IGSF5: variants seen among roughly 807,000 people sequenced by gnomAD.
IGSF5 encodes the protein immunoglobulin superfamily 5 like.
In IGSF5, 41 loss-of-function variants were observed where a neutral mutation model predicts 39.4. The ratio of observed to expected loss-of-function variants is 1.04; its 90% CI spans 0.81 to 1.35. IGSF5 has a LOEUF of 1.35. Ranked by LOEUF, IGSF5 falls within the 40% of genes most tolerant of loss-of-function variation. The probability of loss-of-function intolerance (pLI) is 0.00; values close to 1 mark genes in which losing one functional copy is unlikely to be tolerated. For missense variants in IGSF5, 487 were observed against 494.6 expected, an observed-to-expected ratio of 0.98 and a Z score of 0.15; for synonymous variants, 183 against 175.3, an observed-to-expected ratio of 1.04 and a Z score of -0.34.
At chr21:39,717,030 G>A in the IGSF5 span, among the ~76,000 whole-genome samples, 4 of 152,032 alleles carry the variant, frequency 2.6e-5, no homozygotes, top group Admixed American at 1.3e-4. Context: ...TGACTTTTTA[G>A]TAATAGCCAT....
intron 3 of IGSF5, among the ~76,000 whole-genome samples, chr21:39,770,049 G>T (rs914443175): frequency 1.8e-4 from 4 of 22,598 alleles, no homozygotes; most frequent in African/African-American, 7.7e-4. Flanking sequence ...AACCAAGATT[G>T]GGAACAAATT....
In IGSF5 at chr21:39,765,628, G is replaced by T. The variant is rs776984625; in HGVS notation, c.194G>T (p.Gly65Val). ...QARFNCTVSQ[G>V]WKLIMWALSD... ...CGCTTCAACTGCACCGTCTCCCAGG[G>T]CTGGAAGCTCATCATGTGGGCTCTC... is the stretch of plus-strand genomic sequence containing the variant. The change falls in exon 3 of 9, where the codon GGC becomes GTC. Residue 65 changes from glycine (G) to valine (V), a missense_variant. Physicochemically the swap from Gly to Val is moderately radical, Grantham distance 109. Transcript: ENST00000380588. The T allele has an allele frequency of 3.7e-6, 6 of 1,614,146 alleles. No homozygotes were observed. The highest frequency in any genetic ancestry group is 5.1e-6 in the Non-Finnish European group (6 of 1,180,022).
At chr21:39,799,323 C>T (rs1380570965) in intron 8 of IGSF5, among the ~76,000 whole-genome samples, 1 of 152,144 alleles carries the variant, frequency 6.6e-6, no homozygotes, top group African/African-American at 2.4e-5. Context: ...AATACCGCTG[C>T]CTTGGTACCC....
At chr21:39,745,059 T>C (rs1182666377), upstream of IGSF5, among the ~76,000 whole-genome samples, 2 of 117,136 alleles carry the variant, frequency 1.7e-5, no homozygotes, top group African/African-American at 6.5e-5. Context: ...GGGCACACTT[T>C]TTTTTTTTTA....
intron 2 of IGSF5, among the ~76,000 whole-genome samples, chr21:39,761,151 G>A (rs1423873243): frequency 6.6e-6 from 1 of 152,122 alleles, no homozygotes; most frequent in African/African-American, 2.4e-5. Flanking sequence ...AGTAAACAAT[G>A]GGGAAAGAAC....
At chr21:39,781,317 T>C (rs908669167) in intron 5 of IGSF5, among the ~76,000 whole-genome samples, 1 of 152,258 alleles carries the variant, frequency 6.6e-6, no homozygotes, top group African/African-American at 2.4e-5. Flanking sequence ...TTCCTTCCTT[T>C]CTTATTACAG....
At chr21:39,791,340 A>C (rs1434613614) in intron 6 of IGSF5, among the ~76,000 whole-genome samples, 2 of 152,192 alleles carry the variant, frequency 1.3e-5, no homozygotes, top group African/African-American at 4.8e-5. Context: ...CATTCTTTCA[A>C]GTACATATTT....
intron 2 of IGSF5, among the ~76,000 whole-genome samples, chr21:39,756,357 T>G (rs1267940997): frequency 6.6e-6 from 1 of 152,106 alleles, no homozygotes; most frequent in Non-Finnish European, 1.5e-5. Context: ...CAGATCAAGG[T>G]GTGGTAGTTG....
chr21:39,726,504 A>T, the IGSF5 span, among the ~76,000 whole-genome samples: 3 of 151,816 alleles, frequency 2.0e-5, no homozygotes, highest in African/African-American at 7.3e-5. Context: ...CTCAGTCACC[A>T]GTGCTCAGGC....
upstream of IGSF5, among the ~76,000 whole-genome samples, chr21:39,745,153 C>T (rs1272080973): frequency 7.2e-6 from 1 of 139,514 alleles, no homozygotes; most frequent in Non-Finnish European, 1.6e-5. Flanking sequence ...CTCTCTCTCT[C>T]TTCATCTCTC....
intron 2 of IGSF5, among the ~76,000 whole-genome samples, chr21:39,750,816 G>A (rs10427527): frequency 1.3e-5 from 2 of 152,194 alleles, no homozygotes; most frequent in Non-Finnish European, 2.9e-5. Flanking sequence ...TCCACCAGCC[G>A]CTGGGCCTTT....
At position 39,765,086 on chromosome 21, in the gene IGSF5, G is replaced by A. The variant is rs191526693; in HGVS notation, c.101-449G>A. On this transcript the variant is annotated intron_variant, in intron 2 of 8. Coordinates refer to ENST00000380588, the MANE Select transcript of IGSF5 (RefSeq NM_001080444.2). Reference sequence around the variant, plus strand: ...ATGCATCACTCCAGTCTCTGCATCCGTCCTCACATGATGTTCTTCTCTGCA... The same window carrying A: ...ATGCATCACTCCAGTCTCTGCATCCATCCTCACATGATGTTCTTCTCTGCA... 1.3e-4 allele frequency among the ~76,000 whole-genome samples: 20 copies of A among 152,234 alleles called. No individual in the cohort carries two copies. The South Asian group carries it at 2.1e-3, about 16-fold the overall frequency.
the IGSF5 span, among the ~76,000 whole-genome samples, chr21:39,737,248 A>G: frequency 6.6e-6 from 1 of 151,498 alleles, no homozygotes; most frequent in Non-Finnish European, 1.5e-5. Flanking sequence ...CACCGTAACA[A>G]CTAGCACAGA....
chr21:39,798,740 C>T (rs1044705052), intron 8 of IGSF5, among the ~76,000 whole-genome samples: 1 of 152,194 alleles, frequency 6.6e-6, no homozygotes, highest in Non-Finnish European at 1.5e-5. Context: ...GCTGCTGCAC[C>T]AGCCTCCCAT....
chr21:39,765,618 G>A lies in IGSF5; in HGVS notation c.184G>A (p.Val62Ile), dbSNP rs141368161. ...KGSQARFNCTVSQGWKLIMWA... is the reference protein window; with the variant it reads ...KGSQARFNCTISQGWKLIMWA... ...CTCCCAGGCTCGCTTCAACTGCACC[G>A]TCTCCCAGGGCTGGAAGCTCATCAT... The change falls in exon 3 of 9, where the codon GTC becomes ATC. Residue 62 changes from valine (V) to isoleucine (I), a missense_variant. Coordinates refer to ENST00000380588, the MANE Select transcript of IGSF5 (RefSeq NM_001080444.2). The A allele has an allele frequency of 3.6e-4, 575 of 1,614,098 alleles. 3 individuals carry two copies. In the African/African-American group the frequency reaches 6.2e-3, roughly 17 times the overall value.
At chr21:39,721,883 A>G in the IGSF5 span, among the ~76,000 whole-genome samples, 1 of 152,214 alleles carries the variant, frequency 6.6e-6, no homozygotes, top group Non-Finnish European at 1.5e-5. Context: ...CATTAAAAAA[A>G]TTCTGAGTTA....
chr21:39,800,625 C>A (rs2087023552), intron 8 of IGSF5, among the ~76,000 whole-genome samples: 2 of 152,214 alleles, frequency 1.3e-5, no homozygotes. Context: ...ATTTATCATG[C>A]CCAGTTACAT....
intron 8 of IGSF5, among the ~76,000 whole-genome samples, chr21:39,794,791 G>A (rs140008358): frequency 1.9e-4 from 29 of 152,256 alleles, no homozygotes; most frequent in African/African-American, 6.3e-4. Flanking sequence ...TACCTGAGGC[G>A]ACGGTGCCCA....
chr21:39,765,641 C>T lies in IGSF5; in HGVS notation c.207C>T (p.Ile69=). 1 of 1,614,146 alleles carries T rather than the reference C, an allele frequency of 6.2e-7. No homozygotes were observed. The highest frequency in any genetic ancestry group is 1.1e-5 in the South Asian group (1 of 91,070). Residue 69 remains isoleucine, a synonymous_variant, in exon 3 of 9, where the codon ATC becomes ATT. Transcript: ENST00000380588. ...CCGTCTCCCAGGGCTGGAAGCTCAT[C>T]ATGTGGGCTCTCAGTGACATGGTGG... ...NCTVSQGWKL[I]MWALSDMVVL...
Sources: allele counts gnomAD v4.1 joint callset (sites outside exome capture counted in the v4.1 genomes callset), GRCh38; gene constraint gnomAD v4.1.1; transcripts MANE v1.5; gene names NCBI Gene and HGNC (gene_info 2026-07-23, HGNC 2026-07-21).